Variants in USP15 observed in about 807,000 individuals in gnomAD.
The protein encoded by USP15 is ubiquitin specific peptidase 15.
USP15 carries 18 observed loss-of-function variants against 127.1 expected under a neutral mutation model. The observed-to-expected ratio is 0.14, with a 90% confidence interval of 0.10 to 0.21. The LOEUF (loss-of-function observed/expected upper bound fraction) is 0.21, where lower values mean the gene tolerates loss of function less well. USP15 is among the 10% of genes least tolerant of loss of function. The pLI is 1.00. For missense variants in USP15, 805 were observed against 1,159.9 expected, an observed-to-expected ratio of 0.69 and a Z score of 4.44; for synonymous variants, 364 against 393.7, an observed-to-expected ratio of 0.92 and a Z score of 0.89.
At chr12:62,401,134 T>A in intron 20 of USP15, 53 bp from the exon 21 acceptor site, 1 of 1,276,116 alleles carries the variant, frequency 7.8e-7, no homozygotes, top group Non-Finnish European at 1.1e-6. Flanking sequence ...TTTTGAGGAG[T>A]CCCCAGAAAA....
At chr12:62,352,542 G>A (rs1039412784) in intron 7 of USP15, among the ~76,000 whole-genome samples, 5 of 151,816 alleles carry the variant, frequency 3.3e-5, no homozygotes, top group Admixed American at 1.3e-4. Flanking sequence ...CATTCCAAAT[G>A]CAGAACACTT....
At chr12:62,292,731 C>A (rs779348094) in intron 1 of USP15, among the ~76,000 whole-genome samples, 2 of 152,208 alleles carry the variant, frequency 1.3e-5, no homozygotes, top group Non-Finnish European at 2.9e-5. Context: ...AAGCAGAGAG[C>A]TCTTGGGGGG....
intron 6 of USP15, among the ~76,000 whole-genome samples, chr12:62,348,847 C>T (rs1339022496): frequency 3.3e-5 from 5 of 152,088 alleles, no homozygotes; most frequent in Admixed American, 2.0e-4. Flanking sequence ...AATTAGAATG[C>T]CATGGTGTAC....
At chr12:62,320,803 A>G (rs771513081) in intron 4 of USP15, among the ~76,000 whole-genome samples, 4 of 152,216 alleles carry the variant, frequency 2.6e-5, no homozygotes, top group African/African-American at 9.6e-5. Context: ...AAAATCTAAA[A>G]GTATTCTGTA....
At chr12:62,367,357 G>A (rs573670421) in intron 8 of USP15, among the ~76,000 whole-genome samples, 14 of 151,920 alleles carry the variant, frequency 9.2e-5, no homozygotes, top group Non-Finnish European at 1.3e-4. Flanking sequence ...TCAGCCTCCC[G>A]AGTAGCTGGG....
chr12:62,385,493 A>G (rs2067119293), intron 11 of USP15, among the ~76,000 whole-genome samples: 3 of 151,912 alleles, frequency 2.0e-5, no homozygotes, highest in Admixed American at 2.0e-4. Flanking sequence ...CTAGGTATGT[A>G]CTCAGTTATG....
At chr12:62,371,891 TTC>T (rs2066682031) in intron 8 of USP15, among the ~76,000 whole-genome samples, 1 of 152,182 alleles carries the variant, frequency 6.6e-6, no homozygotes, top group Non-Finnish European at 1.5e-5. Context: ...CTGCAACTTC[TTC>T]TGTGTGTGTG....
intron 1 of USP15, among the ~76,000 whole-genome samples, chr12:62,281,679 A>G (rs2063653708): frequency 6.6e-6 from 1 of 152,164 alleles, no homozygotes; most frequent in Non-Finnish European, 1.5e-5. Context: ...TTTCATTACC[A>G]TAAAATTGTG....
chr12:62,304,273 A>T (rs936353171), intron 3 of USP15, among the ~76,000 whole-genome samples: 4 of 152,206 alleles, frequency 2.6e-5, no homozygotes, highest in Non-Finnish European at 5.9e-5. Context: ...AAAAACATTG[A>T]CAAATCTCTT....
intron 8 of USP15, among the ~76,000 whole-genome samples, chr12:62,374,203 AAACT>A (rs1213546832): frequency 1.3e-5 from 2 of 152,060 alleles, no homozygotes; most frequent in Non-Finnish European, 2.9e-5. Flanking sequence ...AAATCATAAC[AAACT>A]AAGAATGAAT....
intron 1 of USP15, among the ~76,000 whole-genome samples, chr12:62,276,556 T>C (rs986600135): frequency 1.3e-5 from 2 of 152,104 alleles, no homozygotes; most frequent in Non-Finnish European, 2.9e-5. Flanking sequence ...ATATGAGATA[T>C]CACTCATATA....
intron 3 of USP15, 170 bp downstream of exon 3, chr12:62,303,090 T>G: frequency 1.5e-6 from 1 of 652,360 alleles, no homozygotes; most frequent in Non-Finnish European, 2.5e-6. Flanking sequence ...GAAGGTTTAC[T>G]TATGCTAGCC....
chr12:62,325,580 C>A lies in USP15; in HGVS notation c.622-292C>A, dbSNP rs552645627. On this transcript the variant is annotated intron_variant, in intron 5 of 21. Coordinates refer to ENST00000280377, the MANE Select transcript of USP15 (RefSeq NM_001252078.2). ...TCTCTAAATTCAAGGAATTTATATT[C>A]TGTTTACTTGGTTTAAGTTTTCTTA... is the stretch of plus-strand genomic sequence containing the variant. Among the ~76,000 whole-genome samples, 4 of 152,054 alleles carry A rather than the reference C, an allele frequency of 2.6e-5. No individual in the cohort carries two copies. The South Asian group carries it at 8.3e-4, about 32-fold the overall frequency.
At chr12:62,299,365 T>TC (rs1262670701) in intron 2 of USP15, among the ~76,000 whole-genome samples, 2 of 152,056 alleles carry the variant, frequency 1.3e-5, no homozygotes, top group African/African-American at 4.8e-5. Flanking sequence ...TCCGCCTCAG[T>TC]CCCCCAAAGT....
chr12:62,348,639 C>A (rs1592642680), intron 6 of USP15, among the ~76,000 whole-genome samples: 1 of 152,202 alleles, frequency 6.6e-6, no homozygotes, highest in East Asian at 1.9e-4. Context: ...TGATTAAAAA[C>A]CAATAGTAAT....
intron 6 of USP15, chr12:62,335,934 G>T: frequency 1.0e-6 from 1 of 985,224 alleles, no homozygotes; most frequent in Non-Finnish European, 1.2e-6. Context: ...CCAGTCCTTT[G>T]TCTGTCTAGC....
intron 6 of USP15, among the ~76,000 whole-genome samples, chr12:62,344,448 C>G (rs2065748007): frequency 6.6e-6 from 1 of 152,222 alleles, no homozygotes; most frequent in African/African-American, 2.4e-5. Flanking sequence ...TTCCCTGTGG[C>G]TTTGCAGGGT....
intron 8 of USP15, among the ~76,000 whole-genome samples, chr12:62,359,885 A>G (rs1323742690): frequency 1.3e-5 from 2 of 152,164 alleles, no homozygotes; most frequent in Non-Finnish European, 2.9e-5. Flanking sequence ...GATTATAGGC[A>G]TATACCACCA....
intron 8 of USP15, among the ~76,000 whole-genome samples, chr12:62,357,859 CT>C (rs1565883591): frequency 1.3e-5 from 2 of 152,080 alleles, no homozygotes; most frequent in East Asian, 3.9e-4. Flanking sequence ...TGGCAGTAGC[CT>C]TTACTCCTCT....
Sources: allele counts gnomAD v4.1 joint callset (sites outside exome capture counted in the v4.1 genomes callset), GRCh38; gene constraint gnomAD v4.1.1; transcripts MANE v1.5; gene names NCBI Gene and HGNC (gene_info 2026-07-23, HGNC 2026-07-21).